KCTD14: variants seen among roughly 807,000 people sequenced by gnomAD.
KCTD14 encodes the protein potassium channel tetramerization domain containing 14.
A neutral mutation model predicts 5.9 loss-of-function variants in KCTD14; 7 were observed. The ratio of observed to expected loss-of-function variants is 1.19; its 90% CI spans 0.68 to 2.23. The LOEUF is 2.23. Among genes scored for constraint, KCTD14 ranks in the 30% most tolerant of loss-of-function variants. KCTD14 has a pLI of 0.00. For missense variants in KCTD14, 342 were observed against 332.2 expected (o/e 1.03, Z -0.23); for synonymous variants, 140 against 133.1 (o/e 1.05, Z -0.36).
upstream of KCTD14, among the ~76,000 whole-genome samples, chr11:78,027,551 C>T (rs1292224599): frequency 2.6e-5 from 4 of 151,922 alleles, no homozygotes; most frequent in Non-Finnish European, 4.4e-5. Context: ...TTAGTAGAGA[C>T]GGGGTTTCAC....
chr11:78,046,158 G>A (rs1256642537), exon 1 of KCTD14: 1 of 984,580 alleles, frequency 1.0e-6, no homozygotes, highest in East Asian at 1.1e-4. Flanking sequence ...CAGTTCGCAA[G>A]GGCAGGAGCA....
At chr11:78,017,883 G>A (rs193252918) in intron 1 of KCTD14, among the ~76,000 whole-genome samples, 17 of 152,058 alleles carry the variant, frequency 1.1e-4, no homozygotes, top group African/African-American at 4.1e-4. Flanking sequence ...GATCACCTGA[G>A]GTCAGGAGTT....
chr11:78,020,045 G>C (rs1180396395), intron 1 of KCTD14, among the ~76,000 whole-genome samples: 1 of 152,174 alleles, frequency 6.6e-6, no homozygotes, highest in Non-Finnish European at 1.5e-5. Context: ...CACAGTCCCT[G>C]CTTTCAAGGA....
chr11:78,017,365 G>A, intron 1 of KCTD14, 95 bp from the exon 2 acceptor site: 1 of 1,439,208 alleles, frequency 6.9e-7, no homozygotes, highest in East Asian at 2.4e-5. Context: ...AAAACTTAGG[G>A]GAGCCATAAT....
intron 1 of KCTD14, among the ~76,000 whole-genome samples, chr11:78,045,849 A>G (rs1858120177): frequency 6.6e-6 from 1 of 152,130 alleles, no homozygotes; most frequent in Non-Finnish European, 1.5e-5. Flanking sequence ...GGTCCTCCTC[A>G]GACGTTGCTG....
chr11:78,031,040 G>A (rs1021933867), intron 2 of KCTD14, among the ~76,000 whole-genome samples: 1 of 146,636 alleles, frequency 6.8e-6, no homozygotes, highest in Non-Finnish European at 1.5e-5. Context: ...CTGATAGCAA[G>A]TAATGGTTTT....
At chr11:78,025,870 A>T (rs1194989194), upstream of KCTD14, among the ~76,000 whole-genome samples, 1 of 152,142 alleles carries the variant, frequency 6.6e-6, no homozygotes, top group African/African-American at 2.4e-5. Flanking sequence ...CGAGTACAAT[A>T]TGGGAAGGAG....
upstream of KCTD14, among the ~76,000 whole-genome samples, chr11:78,026,319 C>T (rs142194313): frequency 6.6e-6 from 1 of 151,944 alleles, no homozygotes; most frequent in East Asian, 1.9e-4. Flanking sequence ...TGCCTGTATC[C>T]CCGGCTAGGG....
intron 1 of KCTD14, chr11:78,038,895 G>T: frequency 9.9e-7 from 1 of 1,012,990 alleles, no homozygotes; most frequent in Non-Finnish European, 1.4e-6. Flanking sequence ...TGTGGTCACG[G>T]TCAGGCCCGG....
At chr11:78,041,660 T>C (rs982083161) in intron 1 of KCTD14, among the ~76,000 whole-genome samples, 6 of 152,218 alleles carry the variant, frequency 3.9e-5, no homozygotes, top group Non-Finnish European at 8.8e-5. Flanking sequence ...ACTGCACTCT[T>C]CTGGTCCATG....
chr11:78,034,381 G>A (rs2136744597), intron 2 of KCTD14, among the ~76,000 whole-genome samples: 1 of 152,212 alleles, frequency 6.6e-6, no homozygotes, highest in African/African-American at 2.4e-5. Flanking sequence ...CCAAAATGCT[G>A]GAATTACAGG....
At chr11:78,025,116 G>GTATATATA (rs771771645), upstream of KCTD14, among the ~76,000 whole-genome samples, 150 of 68,510 alleles carry the variant, frequency 2.2e-3, no homozygotes, top group Middle Eastern at 7.1e-3. Context: ...GTGTGTGTGT[G>GTATATATA]TGTATATATA....
At chr11:78,020,159 G>T (rs775556847) in intron 1 of KCTD14, among the ~76,000 whole-genome samples, 1 of 152,170 alleles carries the variant, frequency 6.6e-6, no homozygotes, top group Non-Finnish European at 1.5e-5. Context: ...GTGGGTTGGA[G>T]GCTGTCAGAG....
rs776410047 is a variant in KCTD14 at position 78,016,923 on chromosome 11, G to A, written c.438C>T (p.Ser146=). The A allele has an allele frequency of 1.7e-5, 28 of 1,614,094 alleles. No homozygotes were observed. The highest frequency in any genetic ancestry group is 6.7e-5 in the East Asian group (3 of 44,898). The change falls in exon 2 of 2, where the codon AGC becomes AGT. Residue 146 remains serine, a synonymous_variant. Coordinates refer to ENST00000353172, the MANE Select transcript of KCTD14 (RefSeq NM_023930.4). ...GGCGCACCATGAGCTCCAGGTTCTC[G>A]CTGTAGCCCGGCACTTGCAGCAAAA... is the stretch of plus-strand genomic sequence containing the variant. ...KQFLLQVPGY[S]ENLELMVRLA...
chr11:78,045,378 G>A (rs1483803763), intron 1 of KCTD14, among the ~76,000 whole-genome samples: 2 of 152,144 alleles, frequency 1.3e-5, no homozygotes, highest in Non-Finnish European at 2.9e-5. Flanking sequence ...ACCAGTCTTA[G>A]GTTCTACGAT....
upstream of KCTD14, among the ~76,000 whole-genome samples, chr11:78,026,715 C>A (rs767213372): frequency 1.3e-5 from 2 of 151,978 alleles, no homozygotes; most frequent in Non-Finnish European, 2.9e-5. Context: ...GCTGTAGTCA[C>A]CTATGATCAC....
chr11:78,043,446 G>A (rs1297977037), intron 1 of KCTD14, among the ~76,000 whole-genome samples: 1 of 152,178 alleles, frequency 6.6e-6, no homozygotes, highest in African/African-American at 2.4e-5. Context: ...CCCAGCCTGT[G>A]TGTGCTTTTC....
At chr11:78,027,654 C>G (rs1316928524), upstream of KCTD14, among the ~76,000 whole-genome samples, 2 of 151,996 alleles carry the variant, frequency 1.3e-5, no homozygotes, top group African/African-American at 4.8e-5. Context: ...AGCCACCACT[C>G]CCAGTCAGAC....
chr11:78,022,461 T>C (rs1009633986), intron 1 of KCTD14, among the ~76,000 whole-genome samples: 29 of 152,112 alleles, frequency 1.9e-4, no homozygotes, highest in Non-Finnish European at 5.9e-5. Flanking sequence ...GCTTTGTCAA[T>C]AGCCAACAAC....
Sources: allele counts gnomAD v4.1 joint callset (sites outside exome capture counted in the v4.1 genomes callset), GRCh38; gene constraint gnomAD v4.1.1; transcripts MANE v1.5; gene names NCBI Gene and HGNC (gene_info 2026-07-23, HGNC 2026-07-21).